The following UBE2H variants were observed in gnomAD, a reference collection of about 807,000 sequenced individuals.
UBE2H encodes ubiquitin-conjugating enzyme E2 H.
In UBE2H, 3 loss-of-function variants were observed where a neutral mutation model predicts 29.0. The observed-to-expected ratio is 0.10, with a 90% CI of 0.05 to 0.27. The LOEUF (loss-of-function observed/expected upper bound fraction) is 0.27. Ranked by LOEUF, UBE2H falls within the 10% of genes least tolerant of loss-of-function variation. The pLI, the probability that UBE2H is intolerant of heterozygous loss-of-function variation, is 1.00. For missense variants in UBE2H, 68 were observed against 228.2 expected (o/e 0.30, Z 4.52); for synonymous variants, 69 against 82.9 (o/e 0.83, Z 0.91).
At chr7:129,851,547 A>AC in intron 5 of UBE2H, among the ~76,000 whole-genome samples, 1 of 152,384 alleles carries the variant, frequency 6.6e-6, no homozygotes, top group East Asian at 1.9e-4. Context: ...ATAACTCAGT[A>AC]ATCGTAAGTG....
intron 3 of UBE2H, chr7:129,864,970 G>C (rs560680512): frequency 1.1e-5 from 4 of 368,578 alleles, no homozygotes; most frequent in South Asian, 6.2e-5. Flanking sequence ...AAAGGGGATG[G>C]GGAGGATCGT....
At position 129,831,217 on chromosome 7, in the gene UBE2H, T is replaced by C. The variant is rs544921436; in HGVS notation, c.*3720A>G. 6.6e-6 allele frequency: 1 copy of C among 152,320 alleles called. No individual in the cohort carries two copies. The highest frequency in any genetic ancestry group is 2.1e-4 in the South Asian group (1 of 4,826). 9.4% of individuals were successfully genotyped at this position (152,320 alleles called of 1,614,324 possible). On this transcript the variant is annotated 3_prime_UTR_variant, in exon 7 of 7. Coordinates refer to ENST00000355621, the MANE Select transcript of UBE2H (RefSeq NM_003344.4). ...CAGAAGTCCAAAGAAATGCAGTTCGTTGCGCCCAATCAGAGATAGATGATT... is the reference window on the plus strand; with the variant it reads ...CAGAAGTCCAAAGAAATGCAGTTCGCTGCGCCCAATCAGAGATAGATGATT...
intron 1 of UBE2H, among the ~76,000 whole-genome samples, chr7:129,920,233 G>A (rs745885200): frequency 2.0e-5 from 3 of 151,404 alleles, no homozygotes; most frequent in South Asian, 2.1e-4. Context: ...ATATATATAT[G>A]AACATTATGC....
intron 1 of UBE2H, among the ~76,000 whole-genome samples, chr7:129,911,102 T>C (rs558387178): frequency 4.6e-5 from 7 of 152,070 alleles, no homozygotes; most frequent in South Asian, 4.2e-4. Flanking sequence ...TGGTGACTCA[T>C]GCCTGTAATC....
chr7:129,846,376 TAA>T (rs2116285318), intron 5 of UBE2H, among the ~76,000 whole-genome samples: 1 of 150,386 alleles, frequency 6.6e-6, no homozygotes, highest in South Asian at 2.1e-4. Flanking sequence ...ATAATAATAA[TAA>T]TAATAATAAT....
intron 1 of UBE2H, among the ~76,000 whole-genome samples, chr7:129,920,460 C>T (rs927004989): frequency 6.6e-6 from 1 of 151,936 alleles, no homozygotes; most frequent in African/African-American, 2.4e-5. Context: ...ACACATATAA[C>T]TCAATATAAA....
At chr7:129,924,758 T>TA (rs905121896) in intron 1 of UBE2H, among the ~76,000 whole-genome samples, 9 of 151,790 alleles carry the variant, frequency 5.9e-5, no homozygotes, top group South Asian at 2.1e-4. Flanking sequence ...AGGACACAGA[T>TA]AACCCAAGAA....
chr7:129,945,548 G>A (rs1210390461), intron 1 of UBE2H, among the ~76,000 whole-genome samples: 1 of 151,944 alleles, frequency 6.6e-6, no homozygotes, highest in Admixed American at 6.6e-5. Flanking sequence ...CTGAGTGTAG[G>A]GCTCTGAGAT....
chr7:129,925,107 TG>T (rs1807239347), intron 1 of UBE2H, among the ~76,000 whole-genome samples: 3 of 152,050 alleles, frequency 2.0e-5, no homozygotes, highest in Admixed American at 1.3e-4. Context: ...CCCAGCACTT[TG>T]GGAGGCCAAG....
chr7:129,911,959 G>T (rs890797629), intron 1 of UBE2H, among the ~76,000 whole-genome samples: 1 of 152,096 alleles, frequency 6.6e-6, no homozygotes, highest in Middle Eastern at 3.4e-3. Flanking sequence ...TCATTTTATA[G>T]CAAAGGATGT....
chr7:129,907,187 A>C (rs1806835572), intron 1 of UBE2H, among the ~76,000 whole-genome samples: 1 of 151,946 alleles, frequency 6.6e-6, no homozygotes, highest in African/African-American at 2.4e-5. Context: ...TTCCTACCCC[A>C]TCATAGTTTA....
In UBE2H at chr7:129,923,779, G is replaced by A. The variant is rs144093976; in HGVS notation, c.53+28724C>T. Among the ~76,000 whole-genome samples, 18 of 152,290 alleles carry A rather than the reference G, an allele frequency of 1.2e-4. No homozygotes were observed. In the East Asian group the frequency reaches 2.9e-3, roughly 24 times the overall value. On this transcript the variant is annotated intron_variant, in intron 1 of 6. Transcript: ENST00000355621. ...CCTGTCCCATCCACTAAGCCATACT[G>A]TCTCTCTAGATGTATTCCACATGAA...
intron 1 of UBE2H, among the ~76,000 whole-genome samples, chr7:129,937,341 AG>A (rs1213820674): frequency 2.0e-5 from 3 of 152,330 alleles, no homozygotes; most frequent in South Asian, 2.1e-4. Flanking sequence ...AACAAAAAAA[AG>A]AAAAAAGAAA....
At chr7:129,872,544 A>AAT (rs372220240) in intron 3 of UBE2H, among the ~76,000 whole-genome samples, 15 of 151,602 alleles carry the variant, frequency 9.9e-5, no homozygotes, top group South Asian at 2.1e-4. Flanking sequence ...TGAGTAAAAA[A>AAT]ATATATATAT....
chr7:129,863,808 G>GTTTTTTTTTTTTTTTTTTTTTTT (rs34701981), intron 3 of UBE2H, among the ~76,000 whole-genome samples: 1 of 136,042 alleles, frequency 7.4e-6, no homozygotes, highest in African/African-American at 2.8e-5. Flanking sequence ...AATACTAGGT[G>GTTTTTTTTTTTTTTTTTTTTTTT]TTTTTTTTTT....
intron 1 of UBE2H, among the ~76,000 whole-genome samples, chr7:129,892,291 G>A (rs536385525): frequency 3.4e-4 from 51 of 150,186 alleles, no homozygotes; most frequent in African/African-American, 7.4e-4. Context: ...TGCTCCCATC[G>A]CACAGGCTGG....
chr7:129,847,022 A>AT (rs201431554), intron 5 of UBE2H, among the ~76,000 whole-genome samples: 1,624 of 144,018 alleles, frequency 0.011, 21 homozygotes, highest in African/African-American at 0.019. Flanking sequence ...TATTATTATT[A>AT]TTATTATTAT....
At chr7:129,860,203 A>G (rs1371877917) in intron 3 of UBE2H, among the ~76,000 whole-genome samples, 1 of 152,222 alleles carries the variant, frequency 6.6e-6, no homozygotes, top group Admixed American at 6.5e-5. Flanking sequence ...TACCAAGTCC[A>G]AGTAGTCCAG....
At chr7:129,934,093 G>A (rs1301649472) in intron 1 of UBE2H, among the ~76,000 whole-genome samples, 1 of 152,082 alleles carries the variant, frequency 6.6e-6, no homozygotes, top group Non-Finnish European at 1.5e-5. Context: ...AGGCCAAGGT[G>A]GGCAGATCAC....
Sources: gnomAD v4.1 joint callset for allele counts (sites outside exome capture counted in the v4.1 genomes callset) on GRCh38, gnomAD v4.1.1 for gene constraint, MANE v1.5 for transcripts, NCBI Gene and HGNC (gene_info 2026-07-23, HGNC 2026-07-21) for gene names.